The following ZFHX3 variants were observed in gnomAD, a reference collection of about 807,000 sequenced individuals.
ZFHX3 encodes the protein zinc finger homeobox protein 3.
A neutral mutation model predicts 279.1 loss-of-function variants in ZFHX3; 42 were observed. The ratio of observed to expected loss-of-function variants is 0.15; its 90% CI spans 0.12 to 0.19. The LOEUF (loss-of-function observed/expected upper bound fraction) is 0.19, where lower values mean the gene tolerates loss of function less well. Ranked by LOEUF, ZFHX3 falls within the 10% of genes least tolerant of loss-of-function variation. ZFHX3 has a pLI of 1.00. For missense variants in ZFHX3, 4,981 were observed against 4,754.0 expected (o/e 1.05, Z -1.40); for synonymous variants, 2,293 against 1,957.8 (o/e 1.17, Z -4.52).
chr16:73,263,872 T>C (rs1240100770), intron 4 of ZFHX3, among the ~76,000 whole-genome samples: 1 of 152,130 alleles, frequency 6.6e-6, no homozygotes, highest in Non-Finnish European at 1.5e-5. Flanking sequence ...CCTATAAAAA[T>C]GAGAGCCCTG....
intron 5 of ZFHX3, among the ~76,000 whole-genome samples, chr16:73,227,480 T>C (rs1314664358): frequency 6.6e-6 from 1 of 152,160 alleles, no homozygotes; most frequent in Non-Finnish European, 1.5e-5. Context: ...TAGAAGATAA[T>C]TTAATTTTTT....
chr16:73,094,501 A>T lies in ZFHX3; in HGVS notation c.-896-903T>A, dbSNP rs1021681365. On this transcript the variant is annotated intron_variant, in intron 7 of 17. Coordinates refer to the ZFHX3 transcript ENST00000641206. ...GTACTAGGTACAAAGTAGCTGCCCA[A>T]TACATGCCTGTGTTGGATGAGTGCT... 4 of 151,328 alleles carry T rather than the reference A, an allele frequency of 2.6e-5. No homozygotes were observed. The Admixed American group carries it at 2.6e-4, about 10-fold the overall frequency. The allele number at this position is 151,328 out of a possible 1,614,324, so 9.4% of individuals were successfully genotyped here. A position where few individuals can be genotyped will look rare whatever the true frequency, so the allele number is the denominator to read the frequency against.
intron 3 of ZFHX3, among the ~76,000 whole-genome samples, chr16:72,900,887 T>C (rs1171720718): frequency 6.6e-6 from 1 of 152,232 alleles, no homozygotes; most frequent in Non-Finnish European, 1.5e-5. Flanking sequence ...TACCTGGAGA[T>C]GTTCTGTTGC....
At chr16:73,145,844 G>A (rs1966860629) in intron 5 of ZFHX3, among the ~76,000 whole-genome samples, 1 of 152,116 alleles carries the variant, frequency 6.6e-6, no homozygotes, top group Non-Finnish European at 1.5e-5. Flanking sequence ...GATATAAGAG[G>A]TCCTGCAAGT....
intron 2 of ZFHX3, among the ~76,000 whole-genome samples, chr16:73,471,145 G>A (rs950735767): frequency 6.6e-6 from 1 of 152,176 alleles, no homozygotes; most frequent in African/African-American, 2.4e-5. Flanking sequence ...AACAAGATGC[G>A]TTATCATAGT....
intron 5 of ZFHX3, among the ~76,000 whole-genome samples, chr16:73,227,152 T>C (rs1228037904): frequency 6.6e-6 from 1 of 152,158 alleles, no homozygotes; most frequent in Non-Finnish European, 1.5e-5. Context: ...ACTTAGCATC[T>C]CATAATTGGA....
chr16:73,191,465 A>G (rs899511309), intron 5 of ZFHX3, among the ~76,000 whole-genome samples: 2 of 152,198 alleles, frequency 1.3e-5, no homozygotes, highest in Admixed American at 6.5e-5. Flanking sequence ...CGGGGGTACA[A>G]CAACCCAACA....
intron 1 of ZFHX3, among the ~76,000 whole-genome samples, chr16:73,832,738 A>C (rs542124888): frequency 1.4e-4 from 22 of 152,190 alleles, no homozygotes; most frequent in East Asian, 3.9e-4. Flanking sequence ...GGTTTTATTC[A>C]GTGTTTTTTT....
chr16:73,546,639 C>G (rs1032149568), intron 2 of ZFHX3, among the ~76,000 whole-genome samples: 10 of 151,578 alleles, frequency 6.6e-5, no homozygotes, highest in Admixed American at 1.3e-4. Flanking sequence ...CGCTTTAAGC[C>G]ATGGTGTGAG....
chr16:73,483,515 G>A, intron 2 of ZFHX3: 1 of 385,780 alleles, frequency 2.6e-6, no homozygotes, highest in Non-Finnish European at 5.1e-6. Flanking sequence ...GAACAAATAG[G>A]CCACGTAGCT....
intron 2 of ZFHX3, chr16:73,610,053 C>T (rs949743023): frequency 3.3e-5 from 5 of 152,154 alleles, no homozygotes; most frequent in Non-Finnish European, 5.9e-5. Flanking sequence ...CAATGTCCCT[C>T]GTTCCTCTTC....
At chr16:73,296,877 A>ATTTTTTT (rs201366558) in intron 4 of ZFHX3, among the ~76,000 whole-genome samples, 1 of 116,068 alleles carries the variant, frequency 8.6e-6, no homozygotes, top group African/African-American at 3.5e-5. Context: ...TGAAGCAGGA[A>ATTTTTTT]TTTTTTTTTT....
intron 1 of ZFHX3, among the ~76,000 whole-genome samples, chr16:73,832,587 C>G (rs1961027847): frequency 1.3e-5 from 2 of 152,140 alleles, no homozygotes; most frequent in African/African-American, 4.8e-5. Context: ...GTTGCCCAGG[C>G]TGGAGTCTAG....
rs71156168 is a variant in ZFHX3, at chr16:73,509,691, ATT to A, written c.-1546-53435_-1546-53434del. The stretch of plus-strand genomic sequence containing the variant: ...AGGCGCCCACCACCATGCCCGGCTG[ATT>A]TTTTTTTTTTTTTTTCTTTTGAGAC... On this transcript the variant is annotated intron_variant, in intron 2 of 17. Coordinates refer to the ZFHX3 transcript ENST00000641206. Among the ~76,000 whole-genome samples the A allele has an allele frequency of 2.9e-3, 312 of 106,022 alleles. 2 individuals are homozygous for A. The highest frequency in any genetic ancestry group is 3.6e-3 in the African/African-American group (92 of 25,306). 69.6% of individuals were successfully genotyped at this position (106,022 alleles called of 152,430 possible).
intron 2 of ZFHX3, among the ~76,000 whole-genome samples, chr16:73,592,312 A>G (rs1461658304): frequency 6.6e-6 from 1 of 152,226 alleles, no homozygotes; most frequent in Admixed American, 6.5e-5. Context: ...AGATGGTTGC[A>G]AATAAAAACA....
At chr16:72,858,045 T>C (rs1464627371) in intron 4 of ZFHX3, among the ~76,000 whole-genome samples, 3 of 152,208 alleles carry the variant, frequency 2.0e-5, no homozygotes, top group African/African-American at 7.2e-5. Flanking sequence ...TGGAAGTAAA[T>C]TCAGTGTTCT....
At chr16:72,940,187 G>C (rs1960344353) in intron 3 of ZFHX3, among the ~76,000 whole-genome samples, 1 of 152,164 alleles carries the variant, frequency 6.6e-6, no homozygotes, top group African/African-American at 2.4e-5. Context: ...TGAGTTTACA[G>C]GTGTGAGCCA....
intron 3 of ZFHX3, among the ~76,000 whole-genome samples, chr16:72,923,149 T>C (rs1959240733): frequency 4.6e-5 from 7 of 152,074 alleles, no homozygotes; most frequent in Admixed American, 4.6e-4. Context: ...ATAGAAGATA[T>C]GAACATAGGG....
intron 3 of ZFHX3, among the ~76,000 whole-genome samples, chr16:73,443,182 A>G (rs1207651665): frequency 6.6e-6 from 1 of 152,226 alleles, no homozygotes; most frequent in African/African-American, 2.4e-5. Flanking sequence ...AGCTTTCTTT[A>G]TATGACAATA....
Sources: gnomAD v4.1 joint callset for allele counts (sites outside exome capture counted in the v4.1 genomes callset) on GRCh38, gnomAD v4.1.1 for gene constraint, MANE v1.5 for transcripts, NCBI Gene and HGNC (gene_info 2026-07-23, HGNC 2026-07-21) for gene names.